The following ITCH variants were observed in gnomAD, a reference collection of about 807,000 sequenced individuals.
ITCH encodes the protein E3 ubiquitin-protein ligase Itchy homolog.
A neutral mutation model predicts 126.8 loss-of-function variants in ITCH; 28 were observed. That is an observed-to-expected ratio of 0.22 (90% CI 0.16 to 0.30). The LOEUF is 0.30. ITCH is among the 10% of genes least tolerant of loss of function. The pLI is 1.00. For missense variants in ITCH, 631 were observed against 1,032.4 expected (o/e 0.61, Z 5.33); for synonymous variants, 342 against 340.0 (o/e 1.01, Z -0.06).
chr20:34,403,824 C>T, intron 3 of ITCH, among the ~76,000 whole-genome samples: 1 of 152,036 alleles, frequency 6.6e-6, no homozygotes, highest in African/African-American at 2.4e-5. Context: ...GGATCATTCT[C>T]AGTAGAGGGA....
chr20:34,428,212 G>A (rs1981805569), intron 7 of ITCH, among the ~76,000 whole-genome samples: 1 of 152,190 alleles, frequency 6.6e-6, no homozygotes, highest in Non-Finnish European at 1.5e-5. Flanking sequence ...ACACAATAAT[G>A]AGTAGTAGTC....
chr20:34,406,861 A>T (rs1267855112), intron 3 of ITCH, among the ~76,000 whole-genome samples: 1 of 152,168 alleles, frequency 6.6e-6, no homozygotes, highest in African/African-American at 2.4e-5. Context: ...TAGTTACTAT[A>T]TAAACTCCTC....
chr20:34,462,005 CTA>C, intron 13 of ITCH, 86 bp from the exon 14 acceptor site: 2 of 1,298,030 alleles, frequency 1.5e-6, no homozygotes, highest in Non-Finnish European at 2.2e-6. Context: ...AAGATTTCTG[CTA>C]TGTTTATTGA....
chr20:34,415,357 G>A (rs1236635713), intron 6 of ITCH, among the ~76,000 whole-genome samples: 2 of 151,998 alleles, frequency 1.3e-5, no homozygotes, highest in Non-Finnish European at 2.9e-5. Context: ...CCAGGAGTTC[G>A]AGACCAGCCT....
intron 14 of ITCH, among the ~76,000 whole-genome samples, chr20:34,465,473 A>G (rs1187581024): frequency 6.6e-6 from 1 of 152,166 alleles, no homozygotes; most frequent in East Asian, 1.9e-4. Context: ...AATAAAATCC[A>G]TATTGATCAA....
chr20:34,486,682 TTTA>T (rs1989143997), intron 20 of ITCH, among the ~76,000 whole-genome samples: 1 of 150,718 alleles, frequency 6.6e-6, no homozygotes, highest in Non-Finnish European at 1.5e-5. Flanking sequence ...TATTTATTTA[TTTA>T]TTATGTTTTA....
chr20:34,397,605 C>T (rs1360705958), intron 3 of ITCH, among the ~76,000 whole-genome samples: 1 of 152,176 alleles, frequency 6.6e-6, no homozygotes, highest in Non-Finnish European at 1.5e-5. Flanking sequence ...ATAATACTGT[C>T]TTAAGGTAAC....
intron 5 of ITCH, among the ~76,000 whole-genome samples, chr20:34,413,071 A>G (rs193099339): frequency 2.8e-4 from 43 of 151,914 alleles, no homozygotes; most frequent in Non-Finnish European, 5.1e-4. Context: ...TACAGTGGCT[A>G]TTTACAGGTG....
At chr20:34,478,976 T>A (rs1988483484) in intron 17 of ITCH, among the ~76,000 whole-genome samples, 1 of 152,180 alleles carries the variant, frequency 6.6e-6, no homozygotes, top group South Asian at 2.1e-4. Flanking sequence ...TTATGCCACA[T>A]GTATTACCCC....
Position 34,400,549 on chromosome 20 carries a change from T to G in ITCH, c.70+6668T>G, listed in dbSNP as rs2038838658. 2.6e-5 allele frequency among the ~76,000 whole-genome samples: 4 copies of G among 152,024 alleles called. No individual in the cohort carries two copies. In the South Asian group the frequency reaches 8.3e-4, roughly 32 times the overall value. On this transcript the variant is annotated intron_variant, in intron 3 of 24. Coordinates refer to ENST00000374864, the MANE Select transcript of ITCH (RefSeq NM_031483.7). ...TTTCAGGTGTGCCTTAAAAAAAATTTATTGCTAAGGGAGATGGAGATGGGA... is the reference window on the plus strand; with the variant it reads ...TTTCAGGTGTGCCTTAAAAAAAATTGATTGCTAAGGGAGATGGAGATGGGA...
intron 6 of ITCH, among the ~76,000 whole-genome samples, chr20:34,418,903 A>G (rs1170442807): frequency 6.6e-6 from 1 of 151,730 alleles, no homozygotes; most frequent in Non-Finnish European, 1.5e-5. Context: ...CTGGGATTAC[A>G]GGCAAGCGCC....
chr20:34,476,520 A>G, intron 16 of ITCH: 1 of 1,106,412 alleles, frequency 9.0e-7, no homozygotes, highest in Non-Finnish European at 1.1e-6. Flanking sequence ...AGATAGTTTT[A>G]ACCTTGTGAC....
intron 6 of ITCH, among the ~76,000 whole-genome samples, chr20:34,420,326 A>G (rs1428745881): frequency 1.3e-5 from 2 of 152,190 alleles, no homozygotes; most frequent in Admixed American, 1.3e-4. Context: ...ACATAAAAGG[A>G]ATCATGTGAC....
rs777471879 is a variant in ITCH at position 34,489,228 on chromosome 20, T to C, written c.2094-38T>C. On this transcript the variant is annotated intron_variant, in intron 20 of 24. Transcript: ENST00000374864. ...ATACTCAGAATTTAAAGATAAGATC[T>C]AAACTTCCTGATAGGTTTTTTCATA... 3 of 1,598,642 alleles carry C rather than the reference T, an allele frequency of 1.9e-6. No individual in the cohort carries two copies. The African/African-American group carries it at 4.0e-5, about 21-fold the overall frequency.
chr20:34,475,753 C>CAGAGCT (rs1988155735), intron 16 of ITCH, among the ~76,000 whole-genome samples: 1 of 151,878 alleles, frequency 6.6e-6, no homozygotes, highest in African/African-American at 2.4e-5. Flanking sequence ...GAGGCAGAGG[C>CAGAGCT]AGAGCTGCAT....
At chr20:34,438,384 A>G (rs1983302081) in intron 7 of ITCH, 90 bp from the exon 8 acceptor site, 6 of 1,397,982 alleles carry the variant, frequency 4.3e-6, no homozygotes, top group South Asian at 2.4e-5. Context: ...AAAACTTAGA[A>G]GTTTTCATCC....
intron 16 of ITCH, among the ~76,000 whole-genome samples, chr20:34,476,949 A>G (rs1388001181): frequency 2.6e-5 from 4 of 152,060 alleles, no homozygotes; most frequent in Admixed American, 6.5e-5. Context: ...TTCAAATATG[A>G]AGATGATCCT....
chr20:34,365,879 C>G (rs938523204), intron 1 of ITCH, among the ~76,000 whole-genome samples: 1 of 152,094 alleles, frequency 6.6e-6, no homozygotes, highest in African/African-American at 2.4e-5. Flanking sequence ...TTAACACATG[C>G]CTTAGGTAAT....
rs538468278 is a variant in ITCH, at chr20:34,483,072, C to G, written c.2093+1866C>G. Among the ~76,000 whole-genome samples, 7 of 152,288 alleles carry G rather than the reference C, an allele frequency of 4.6e-5. No homozygotes were observed. In the East Asian group the frequency reaches 1.4e-3, roughly 29 times the overall value. ...GCTGGAGCAGCTAGGAAACAGGGCA[C>G]CAAGTCCCTAGAGTGCACACAGCGT... On this transcript the variant is annotated intron_variant, in intron 20 of 24. Transcript: ENST00000374864.
Sources: gnomAD v4.1 joint callset for allele counts (sites outside exome capture counted in the v4.1 genomes callset) on GRCh38, gnomAD v4.1.1 for gene constraint, MANE v1.5 for transcripts, NCBI Gene and HGNC (gene_info 2026-07-23, HGNC 2026-07-21) for gene names.